The following RAB2A variants were observed in gnomAD, a reference collection of about 807,000 sequenced individuals.
RAB2A encodes the protein RAB2A, member RAS oncogene family, also known as ras-related protein Rab-2A.
Under a neutral mutation model 32.5 loss-of-function variants are expected in RAB2A, and 7 were observed. The ratio of observed to expected loss-of-function variants is 0.22; its 90% confidence interval spans 0.12 to 0.40. The LOEUF is 0.40. Among genes scored for constraint, RAB2A ranks in the 10% least tolerant of loss-of-function variants. The probability of loss-of-function intolerance (pLI) is 1.00; values close to 1 mark genes in which losing one functional copy is unlikely to be tolerated. For missense variants in RAB2A, 108 were observed against 260.7 expected, an observed-to-expected ratio of 0.41 and a Z score of 4.03; for synonymous variants, 79 against 85.2, an observed-to-expected ratio of 0.93 and a Z score of 0.40.
At chr8:60,527,987 A>G (rs570451847) in intron 1 of RAB2A, among the ~76,000 whole-genome samples, 94 of 152,324 alleles carry the variant, frequency 6.2e-4, no homozygotes, top group African/African-American at 2.2e-3. Flanking sequence ...TAACTGACCA[A>G]TATGGAACAT....
chr8:60,571,938 A>G lies in RAB2A; in HGVS notation c.119-108A>G, dbSNP rs190931360. The stretch of plus-strand genomic sequence containing the variant: ...ACTGCATTTGTTAAAGTTGATCTGT[A>G]TATTACCTAGCATAGCATGTCTTGG... On this transcript the variant is annotated intron_variant, in intron 2 of 7. Coordinates refer to ENST00000262646, the MANE Select transcript of RAB2A (RefSeq NM_002865.3). 240 of 695,904 alleles carry G rather than the reference A, an allele frequency of 3.4e-4. No homozygotes were observed. The African/African-American group carries it at 4.0e-3, about 11-fold the overall frequency. 43.1% of individuals were successfully genotyped at this position (695,904 alleles called of 1,614,324 possible).
intron 1 of RAB2A, among the ~76,000 whole-genome samples, chr8:60,541,297 G>T (rs750099093): frequency 1.3e-5 from 2 of 152,050 alleles, no homozygotes; most frequent in Non-Finnish European, 1.5e-5. Context: ...CTTAAAGAAG[G>T]CCTGACAATT....
In RAB2A at chr8:60,584,767, G is replaced by A. The variant is rs767290685; in HGVS notation, c.314G>A (p.Arg105His). 13 of 1,613,314 alleles carry A rather than the reference G, an allele frequency of 8.1e-6. No homozygotes were observed. Among genetic ancestry groups the A allele is most frequent in the East Asian group, 4.5e-5 (2 of 44,820 alleles). Reference sequence around the variant, plus strand: ...TTGACAACCTGGTTAGAAGATGCCCGCCAGCATTCCAATTCCAACATGGTC... The same window carrying A: ...TTGACAACCTGGTTAGAAGATGCCCACCAGCATTCCAATTCCAACATGGTC... ...NHLTTWLEDARQHSNSNMVIM... is the reference protein window; with the variant it reads ...NHLTTWLEDAHQHSNSNMVIM... The change falls in exon 5 of 8, where the codon CGC becomes CAC. Residue 105 changes from arginine (R) to histidine (H), a missense_variant. Around this residue, in one of 4 missense-constraint regions of RAB2A, gnomAD observed 79 missense variants for 199.8 expected, o/e 0.40. Coordinates refer to ENST00000262646, the MANE Select transcript of RAB2A (RefSeq NM_002865.3).
At chr8:60,518,531 C>G (rs1210838321) in intron 1 of RAB2A, among the ~76,000 whole-genome samples, 1 of 134,868 alleles carries the variant, frequency 7.4e-6, no homozygotes, top group Non-Finnish European at 1.5e-5. Flanking sequence ...TGGCAGGCGC[C>G]TGTAATCCCA....
chr8:60,579,728 C>T (rs538237956), intron 3 of RAB2A, among the ~76,000 whole-genome samples: 3 of 151,506 alleles, frequency 2.0e-5, no homozygotes, highest in East Asian at 3.9e-4. Flanking sequence ...CCCAGGTTCA[C>T]GCCATTCTCC....
chr8:60,614,719 G>A (rs928180652), intron 6 of RAB2A, among the ~76,000 whole-genome samples: 9 of 152,132 alleles, frequency 5.9e-5, no homozygotes, highest in Non-Finnish European at 1.0e-4. Flanking sequence ...CTTAAGTTTA[G>A]GTATTATCAG....
intron 2 of RAB2A, among the ~76,000 whole-genome samples, chr8:60,570,788 G>A (rs1324307199): frequency 6.6e-6 from 1 of 152,124 alleles, no homozygotes; most frequent in Non-Finnish European, 1.5e-5. Flanking sequence ...TAGAGTAAAA[G>A]CTCATCGTTT....
chr8:60,575,655 T>A, intron 3 of RAB2A, among the ~76,000 whole-genome samples: 2 of 42,426 alleles, frequency 4.7e-5, no homozygotes, highest in South Asian at 1.1e-3. Context: ...ATATTTGTCT[T>A]TTTTTTTTTT....
intron 6 of RAB2A, among the ~76,000 whole-genome samples, chr8:60,613,704 A>C (rs2150437992): frequency 6.6e-6 from 1 of 152,334 alleles, no homozygotes; most frequent in East Asian, 1.9e-4. Context: ...AATAAAGTTA[A>C]CATTAATTTT....
chr8:60,518,501 CA>C (rs1177551492), intron 1 of RAB2A, among the ~76,000 whole-genome samples: 1 of 114,474 alleles, frequency 8.7e-6, no homozygotes, highest in African/African-American at 5.4e-5. Context: ...ACTAAAAGTA[CA>C]AAAGTTAGCC....
intron 6 of RAB2A, among the ~76,000 whole-genome samples, chr8:60,603,896 A>C (rs1804179419): frequency 6.6e-6 from 1 of 152,172 alleles, no homozygotes; most frequent in Non-Finnish European, 1.5e-5. Context: ...AGGAGAAGAA[A>C]GAAAAGAAAA....
intron 3 of RAB2A, among the ~76,000 whole-genome samples, chr8:60,575,808 C>T (rs1803604275): frequency 6.6e-6 from 1 of 152,010 alleles, no homozygotes; most frequent in Non-Finnish European, 1.5e-5. Context: ...CAGGCATGCA[C>T]CACCACGCCC....
chr8:60,599,066 AAAGT>A (rs959641482), intron 6 of RAB2A, among the ~76,000 whole-genome samples: 4 of 152,072 alleles, frequency 2.6e-5, no homozygotes, highest in Non-Finnish European at 5.9e-5. Context: ...GCAACAAAAA[AAAGT>A]GAGTTCAGCA....
At chr8:60,586,772 A>T (rs540206701) in intron 5 of RAB2A, among the ~76,000 whole-genome samples, 29 of 151,850 alleles carry the variant, frequency 1.9e-4, no homozygotes, top group East Asian at 1.9e-4. Context: ...AATAATAATT[A>T]AAAAAAACTA....
intron 6 of RAB2A, among the ~76,000 whole-genome samples, chr8:60,607,428 CAAAAA>C (rs773988383): frequency 1.7e-5 from 1 of 57,488 alleles, no homozygotes; most frequent in Non-Finnish European, 3.4e-5. Flanking sequence ...GACTCCATCT[CAAAAA>C]AAAAAAAAAA....
At chr8:60,528,620 G>T (rs558143731) in intron 1 of RAB2A, among the ~76,000 whole-genome samples, 1 of 151,938 alleles carries the variant, frequency 6.6e-6, no homozygotes, top group African/African-American at 2.4e-5. Flanking sequence ...GTTTTTATTT[G>T]TTTGCATCAA....
intron 1 of RAB2A, among the ~76,000 whole-genome samples, chr8:60,533,956 C>G (rs1345818633): frequency 6.6e-6 from 1 of 152,062 alleles, no homozygotes; most frequent in Non-Finnish European, 1.5e-5. Flanking sequence ...GAGCAAGACT[C>G]TGTCTCAAAA....
intron 2 of RAB2A, among the ~76,000 whole-genome samples, chr8:60,567,887 A>G (rs1808139761): frequency 6.6e-6 from 1 of 152,120 alleles, no homozygotes; most frequent in African/African-American, 2.4e-5. Context: ...ATTTTTGACC[A>G]AAGTCTCTAG....
At chr8:60,527,399 C>G (rs1225721169) in intron 1 of RAB2A, among the ~76,000 whole-genome samples, 1 of 152,054 alleles carries the variant, frequency 6.6e-6, no homozygotes, top group Non-Finnish European at 1.5e-5. Flanking sequence ...TTAATTGACT[C>G]ACAGTTCTGG....
Sources: allele counts gnomAD v4.1 joint callset (sites outside exome capture counted in the v4.1 genomes callset), GRCh38; gene constraint gnomAD v4.1.1; regional missense constraint gnomAD v4.1.1; transcripts MANE v1.5; gene names NCBI Gene and HGNC (gene_info 2026-07-23, HGNC 2026-07-21).